TAFA5: variants seen among roughly 807,000 people sequenced by gnomAD.
The protein encoded by TAFA5 is TAFA chemokine like family member 5, also known as chemokine-like protein TAFA-5.
A neutral mutation model predicts 15.3 loss-of-function variants in TAFA5; 6 were observed. The ratio of observed to expected loss-of-function variants is 0.39; its 90% CI spans 0.21 to 0.77. The LOEUF (loss-of-function observed/expected upper bound fraction) is 0.77. Among genes scored for constraint, TAFA5 ranks in the 30% least tolerant of loss-of-function variants. TAFA5 has a pLI of 0.41. For missense variants in TAFA5, 161 were observed against 193.1 expected (o/e 0.83, Z 0.98); for synonymous variants, 103 against 80.7 (o/e 1.28, Z -1.48).
chr22:48,563,945 G>A (rs1923323467), intron 1 of TAFA5, among the ~76,000 whole-genome samples: 2 of 152,190 alleles, frequency 1.3e-5, no homozygotes, highest in African/African-American at 2.4e-5. Context: ...TCCTGAAACC[G>A]ACGATGCTGT....
intron 2 of TAFA5, among the ~76,000 whole-genome samples, chr22:48,663,258 C>G (rs770582279): frequency 6.6e-6 from 1 of 152,202 alleles, no homozygotes; most frequent in Non-Finnish European, 1.5e-5. Flanking sequence ...CAACGGGGTG[C>G]TGCTTCTCAA....
intron 2 of TAFA5, among the ~76,000 whole-genome samples, chr22:48,693,869 G>C (rs1454068556): frequency 2.6e-5 from 4 of 152,204 alleles, no homozygotes; most frequent in African/African-American, 7.2e-5. Context: ...CATCTCAGAT[G>C]GACGCAGCTG....
intron 1 of TAFA5, among the ~76,000 whole-genome samples, chr22:48,623,871 C>T (rs1477962362): frequency 6.6e-6 from 1 of 152,224 alleles, no homozygotes; most frequent in Non-Finnish European, 1.5e-5. Context: ...ATACTATGCA[C>T]CTACTTTTCA....
At chr22:48,567,428 C>A (rs981577632) in intron 1 of TAFA5, among the ~76,000 whole-genome samples, 5 of 152,192 alleles carry the variant, frequency 3.3e-5, no homozygotes, top group African/African-American at 1.2e-4. Flanking sequence ...ATCTATTAAG[C>A]CCAGCGAAAG....
At chr22:48,629,850 G>A (rs1926152082) in intron 1 of TAFA5, among the ~76,000 whole-genome samples, 1 of 151,184 alleles carries the variant, frequency 6.6e-6, no homozygotes, top group African/African-American at 2.5e-5. Context: ...GGATGGGAGA[G>A]GGCAGATGCC....
intron 1 of TAFA5, among the ~76,000 whole-genome samples, chr22:48,584,873 A>G (rs1601596028): frequency 6.8e-6 from 1 of 147,916 alleles, no homozygotes; most frequent in Non-Finnish European, 1.5e-5. Context: ...ACCACATACC[A>G]CAAGCACACC....
rs1923784109 is a variant in TAFA5, at chr22:48,576,145, G to T, written c.113-70452G>T. Among the ~76,000 whole-genome samples, 8 of 144,790 alleles carry T rather than the reference G, an allele frequency of 5.5e-5. No individual in the cohort carries two copies. In the South Asian group the frequency reaches 1.7e-3, roughly 31 times the overall value. The allele number at this position is 144,790 out of a possible 152,430, so 95.0% of individuals were successfully genotyped here. On this transcript the variant is annotated intron_variant, in intron 1 of 3. Coordinates refer to ENST00000402357, the MANE Select transcript of TAFA5 (RefSeq NM_001082967.3). ...GGCGGCGGCGGGGCTGATTCATGGG[G>T]CCGCGGCGGCCGCCCCCCGGCGCCC...
chr22:48,544,952 G>A (rs1922610501), intron 1 of TAFA5: 2 of 453,444 alleles, frequency 4.4e-6, no homozygotes, highest in South Asian at 3.2e-5. Flanking sequence ...AGGATGCTGA[G>A]CGCACCTGCT....
chr22:48,551,680 C>A lies in TAFA5; in HGVS notation c.112+61976C>A, dbSNP rs939054851. Among the ~76,000 whole-genome samples, 5 of 152,260 alleles carry A rather than the reference C, an allele frequency of 3.3e-5. 1 individual carries two copies. In the South Asian group the frequency reaches 1.0e-3, roughly 32 times the overall value. On this transcript the variant is annotated intron_variant, in intron 1 of 3. Transcript: ENST00000402357. ...AAGGGGGGCAGGGTTCTGGCACCCACCCTTCTCGTGGTCTGCAGCAGTGAT... is the reference window on the plus strand; with the variant it reads ...AAGGGGGGCAGGGTTCTGGCACCCAACCTTCTCGTGGTCTGCAGCAGTGAT...
At chr22:48,517,743 G>A (rs765863829) in intron 1 of TAFA5, among the ~76,000 whole-genome samples, 13 of 152,108 alleles carry the variant, frequency 8.5e-5, no homozygotes, top group Non-Finnish European at 1.8e-4. Context: ...CAGCAGCCGC[G>A]GTGAGGCTGG....
chr22:48,498,868 G>C (rs750833868), intron 1 of TAFA5, among the ~76,000 whole-genome samples: 4 of 151,990 alleles, frequency 2.6e-5, no homozygotes, highest in Non-Finnish European at 5.9e-5. Context: ...CACTTGTGCT[G>C]GTATTTCCTG....
intron 1 of TAFA5, among the ~76,000 whole-genome samples, chr22:48,501,957 G>T (rs1162024200): frequency 6.6e-6 from 1 of 152,300 alleles, no homozygotes; most frequent in South Asian, 2.1e-4. Context: ...CATCCATTCC[G>T]CCCCATGCCG....
At chr22:48,706,674 T>C (rs1023338946) in intron 2 of TAFA5, among the ~76,000 whole-genome samples, 6 of 152,250 alleles carry the variant, frequency 3.9e-5, no homozygotes, top group Admixed American at 2.0e-4. Context: ...GGCAGGTGTT[T>C]GGTATCTGAT....
intron 3 of TAFA5, among the ~76,000 whole-genome samples, chr22:48,711,819 G>A (rs1405079608): frequency 2.0e-5 from 3 of 152,148 alleles, no homozygotes; most frequent in East Asian, 1.9e-4. Context: ...GCCCAGCTGC[G>A]CGCCACCATC....
At chr22:48,635,162 G>A (rs886638332) in intron 1 of TAFA5, among the ~76,000 whole-genome samples, 5 of 152,182 alleles carry the variant, frequency 3.3e-5, no homozygotes, top group African/African-American at 1.2e-4. Flanking sequence ...ACAGAGCTCC[G>A]TCCACCTAGC....
intron 1 of TAFA5, among the ~76,000 whole-genome samples, chr22:48,631,450 G>A (rs141804715): frequency 0.99 from 150,516 of 152,324 alleles, 74,371 homozygotes; most frequent in Middle Eastern, 1. Context: ...GGTGCGGCCC[G>A]TGCAGGCGCT....
chr22:48,542,638 A>ATGTGTGTGTGTGGTGTGTGTGTGTGG (rs879338771), intron 1 of TAFA5, among the ~76,000 whole-genome samples: 1 of 84,880 alleles, frequency 1.2e-5, no homozygotes. Flanking sequence ...TGGGTGTGTG[A>ATGTGTGTGTGTGGTGTGTGTGTGTGG]TGTGTGTGTG....
intron 1 of TAFA5, among the ~76,000 whole-genome samples, chr22:48,622,178 C>A (rs1320143433): frequency 1.3e-5 from 2 of 152,120 alleles, no homozygotes; most frequent in Non-Finnish European, 2.9e-5. Context: ...CACCTTGACA[C>A]CATGTGGTAT....
intron 2 of TAFA5, among the ~76,000 whole-genome samples, chr22:48,657,886 T>G (rs978089491): frequency 2.6e-5 from 4 of 151,884 alleles, no homozygotes; most frequent in Non-Finnish European, 4.4e-5. Context: ...GCTGCCGCTC[T>G]TGAACCTGAG....
Sources: allele counts gnomAD v4.1 joint callset (sites outside exome capture counted in the v4.1 genomes callset), GRCh38; gene constraint gnomAD v4.1.1; transcripts MANE v1.5; gene names NCBI Gene and HGNC (gene_info 2026-07-23, HGNC 2026-07-21).